The following CDH18 variants were observed in gnomAD, a reference collection of about 807,000 sequenced individuals.
CDH18 encodes the protein cadherin 18, also known as cadherin-18.
A neutral mutation model predicts 67.9 loss-of-function variants in CDH18; 31 were observed. The ratio of observed to expected loss-of-function variants is 0.46; its 90% CI spans 0.34 to 0.62. The LOEUF is 0.62. Ranked by LOEUF, CDH18 falls within the 20% of genes least tolerant of loss-of-function variation. The probability of loss-of-function intolerance (pLI) is 0.01; values close to 1 mark genes in which losing one functional copy is unlikely to be tolerated. For missense variants in CDH18, 890 were observed against 975.5 expected, an observed-to-expected ratio of 0.91 and a Z score of 1.17; for synonymous variants, 362 against 347.2, an observed-to-expected ratio of 1.04 and a Z score of -0.48.
chr5:19,947,194 T>C lies in CDH18; in HGVS notation c.-257+33866A>G, dbSNP rs114777028. ...AGGAAAATTGCAAGGATGTTTTCTC[T>C]TACAAGTTTTATTCAACATAATACT... On this transcript the variant is annotated intron_variant, in intron 2 of 12. Coordinates refer to ENST00000382275, the MANE Select transcript of CDH18 (RefSeq NM_004934.5). Among the ~76,000 whole-genome samples, 1,501 of 152,138 alleles carry C rather than the reference T, an allele frequency of 9.9e-3. 34 individuals carry two copies. Among genetic ancestry groups the C allele is most frequent in the African/African-American group, 0.034 (1,423 of 41,532 alleles).
At chr5:19,590,023 G>A (rs1744832099) in intron 7 of CDH18, among the ~76,000 whole-genome samples, 2 of 152,008 alleles carry the variant, frequency 1.3e-5, no homozygotes. Context: ...TGTGATATTT[G>A]ATTAATGTCT....
At chr5:19,999,910 C>T (rs925156488) in intron 2 of CDH18, among the ~76,000 whole-genome samples, 2 of 152,114 alleles carry the variant, frequency 1.3e-5, no homozygotes, top group African/African-American at 2.4e-5. Context: ...CTTGTTTTAT[C>T]GATAATTCTC....
intron 2 of CDH18, among the ~76,000 whole-genome samples, chr5:19,962,223 C>T (rs996171456): frequency 1.3e-5 from 2 of 151,176 alleles, no homozygotes; most frequent in South Asian, 4.2e-4. Flanking sequence ...ATCTCTATTT[C>T]TCATATTTTA....
intron 5 of CDH18, among the ~76,000 whole-genome samples, chr5:19,717,741 G>A (rs775071305): frequency 2.0e-5 from 3 of 151,940 alleles, no homozygotes; most frequent in Non-Finnish European, 4.4e-5. Flanking sequence ...TCCTCAAAAT[G>A]CATTGCTTAG....
intron 2 of CDH18, among the ~76,000 whole-genome samples, chr5:20,195,326 T>C (rs928650480): frequency 6.6e-6 from 1 of 152,058 alleles, no homozygotes; most frequent in Admixed American, 6.6e-5. Context: ...TCCATATTTA[T>C]TTGCATTATG....
At chr5:19,533,273 G>A (rs952606388) in intron 9 of CDH18, among the ~76,000 whole-genome samples, 4 of 152,100 alleles carry the variant, frequency 2.6e-5, no homozygotes, top group Admixed American at 6.5e-5. Flanking sequence ...GTTGTTAATC[G>A]TATCAAATGT....
chr5:19,967,616 G>T (rs1797583613), intron 2 of CDH18, among the ~76,000 whole-genome samples: 1 of 151,970 alleles, frequency 6.6e-6, no homozygotes, highest in Non-Finnish European at 1.5e-5. Flanking sequence ...ATAGAAGATG[G>T]CATAGCACAT....
chr5:20,015,960 T>C (rs1268277080), intron 2 of CDH18, among the ~76,000 whole-genome samples: 1 of 151,942 alleles, frequency 6.6e-6, no homozygotes, highest in East Asian at 1.9e-4. Flanking sequence ...TTTGTGGTTG[T>C]GAGAAAACAA....
intron 9 of CDH18, among the ~76,000 whole-genome samples, chr5:19,530,748 A>G (rs1380029985): frequency 6.6e-6 from 1 of 152,152 alleles, no homozygotes; most frequent in Admixed American, 6.5e-5. Context: ...CCATGTCCCT[A>G]CAAAGGACAC....
chr5:20,510,029 T>C (rs1754930992), intron 1 of CDH18, among the ~76,000 whole-genome samples: 1 of 152,190 alleles, frequency 6.6e-6, no homozygotes, highest in Non-Finnish European at 1.5e-5. Flanking sequence ...GTGGTTCCCT[T>C]TCTCTACATC....
intron 1 of CDH18, among the ~76,000 whole-genome samples, chr5:20,369,952 G>A (rs1477102980): frequency 6.6e-6 from 1 of 151,958 alleles, no homozygotes; most frequent in African/African-American, 2.4e-5. Flanking sequence ...GTGGTTTGCT[G>A]CACAGATCAA....
At chr5:19,639,459 T>C (rs1235252909) in intron 5 of CDH18, among the ~76,000 whole-genome samples, 1 of 152,182 alleles carries the variant, frequency 6.6e-6, no homozygotes, top group African/African-American at 2.4e-5. Flanking sequence ...TCAAGAGCCA[T>C]AGCTGTCCCA....
At chr5:20,524,429 A>G (rs1258774379) in intron 1 of CDH18, among the ~76,000 whole-genome samples, 5 of 152,206 alleles carry the variant, frequency 3.3e-5, no homozygotes, top group Non-Finnish European at 7.3e-5. Context: ...GAGACCAAAG[A>G]GCTCTAAACT....
intron 2 of CDH18, among the ~76,000 whole-genome samples, chr5:19,922,528 A>G (rs1792605541): frequency 6.6e-6 from 1 of 152,180 alleles, no homozygotes; most frequent in Non-Finnish European, 1.5e-5. Context: ...TCAGATTTAT[A>G]TTTTTGACAT....
chr5:20,325,756 C>T (rs1374347196), intron 1 of CDH18, among the ~76,000 whole-genome samples: 2 of 152,062 alleles, frequency 1.3e-5, no homozygotes, highest in Non-Finnish European at 2.9e-5. Context: ...TCATCCTTTC[C>T]AATGGTTGTT....
intron 1 of CDH18, among the ~76,000 whole-genome samples, chr5:20,540,815 C>T (rs1260224509): frequency 6.6e-6 from 1 of 152,210 alleles, no homozygotes; most frequent in Non-Finnish European, 1.5e-5. Flanking sequence ...GGGCTACATT[C>T]CATCTGAGGA....
intron 2 of CDH18, among the ~76,000 whole-genome samples, chr5:19,880,893 T>A (rs1787571530): frequency 6.6e-6 from 1 of 152,184 alleles, no homozygotes; most frequent in African/African-American, 2.4e-5. Context: ...ACTTATCTAT[T>A]GTTAATCTTA....
chr5:20,277,469 A>G (rs1305010811), intron 1 of CDH18, among the ~76,000 whole-genome samples: 1 of 152,206 alleles, frequency 6.6e-6, no homozygotes, highest in African/African-American at 2.4e-5. Context: ...CCTCCAGTGC[A>G]GATTGGCTGA....
At chr5:20,462,002 C>A (rs568210029) in intron 1 of CDH18, among the ~76,000 whole-genome samples, 2 of 152,262 alleles carry the variant, frequency 1.3e-5, no homozygotes, top group East Asian at 3.9e-4. Flanking sequence ...TATAATCCAG[C>A]AATGTCACTA....
Sources: allele counts gnomAD v4.1 joint callset (sites outside exome capture counted in the v4.1 genomes callset), GRCh38; gene constraint gnomAD v4.1.1; transcripts MANE v1.5; gene names NCBI Gene and HGNC (gene_info 2026-07-23, HGNC 2026-07-21).